Variants in ANKK1 observed in about 807,000 individuals in gnomAD.
ANKK1 encodes ankyrin repeat and kinase domain containing 1.
In ANKK1, 37 loss-of-function variants were observed where a neutral mutation model predicts 37.6. The ratio of observed to expected loss-of-function variants is 0.98; its 90% CI spans 0.76 to 1.29. ANKK1 has a LOEUF of 1.29. ANKK1 is among the 50% of genes most tolerant of loss of function. ANKK1 has a pLI of 0.00. For synonymous variants in ANKK1, 415 were observed against 418.7 expected (o/e 0.99, Z 0.11); for missense variants, 1,019 against 990.6 (o/e 1.03, Z -0.39).
chr11:113,395,317 T>C, intron 3 of ANKK1, 42 bp from the exon 4 acceptor site: 1 of 1,612,052 alleles, frequency 6.2e-7, no homozygotes, highest in South Asian at 1.1e-5. Flanking sequence ...TGATCTTGGA[T>C]GTTCAACTAA....
intron 6 of ANKK1, 79 bp from the exon 7 acceptor site, chr11:113,397,901 A>AGAGGGAAG: frequency 6.8e-6 from 10 of 1,469,804 alleles, no homozygotes; most frequent in Non-Finnish European, 8.4e-6. Flanking sequence ...AAGGTTGGAG[A>AGAGGGAAG]GAGGGAAGGA....
At chr11:113,395,205 C>T (rs917090171) in intron 3 of ANKK1, 125 bp downstream of exon 3, 2 of 1,493,248 alleles carry the variant, frequency 1.3e-6, no homozygotes, top group Non-Finnish European at 1.8e-6. Context: ...AGGCGGAGGA[C>T]TCTGGCTGGA....
chr11:113,398,754 G>T (rs1021971048), intron 7 of ANKK1, among the ~76,000 whole-genome samples: 5 of 152,118 alleles, frequency 3.3e-5, no homozygotes, highest in African/African-American at 1.2e-4. Flanking sequence ...GTGAGGAAAG[G>T]ACTGCAGGAC....
rs373849007 is a variant in ANKK1, at chr11:113,399,184, C to A, written c.1215C>A (p.Asp405Glu). Residue 405 changes from aspartate to glutamate, a missense_variant, in exon 8 of 8, where the codon GAC becomes GAA. Transcript: ENST00000303941. ...CGCCCCTCCTGATCGCCGCCCAGGACCAGCAACCCGACCTCTGTGCCCTGC... is the reference window on the plus strand; with the variant it reads ...CGCCCCTCCTGATCGCCGCCCAGGAACAGCAACCCGACCTCTGTGCCCTGC... ...GYTPLLIAAQ[D>E]QQPDLCALLL... 1 of 1,601,048 alleles carries A rather than the reference C, an allele frequency of 6.2e-7. No homozygotes were observed. The highest frequency in any genetic ancestry group is 8.5e-7 in the Non-Finnish European group (1 of 1,174,116).
intron 2 of ANKK1, 48 bp from the exon 3 acceptor site, chr11:113,394,881 G>A: frequency 1.2e-6 from 2 of 1,601,124 alleles, no homozygotes; most frequent in Non-Finnish European, 8.5e-7. Flanking sequence ...CCGTTTTCTG[G>A]TCATGAGGCT....
intron 1 of ANKK1, among the ~76,000 whole-genome samples, chr11:113,390,276 C>A (rs1310631704): frequency 6.6e-6 from 1 of 152,168 alleles, no homozygotes; most frequent in Non-Finnish European, 1.5e-5. Context: ...AATGGAGAGA[C>A]TATGAAAAGA....
At position 113,399,375 on chromosome 11, in the gene ANKK1, C is replaced by T; in HGVS notation, c.1406C>T (p.Ala469Val). Residue 469 changes from alanine (A) to valine (V), a missense_variant, in exon 8 of 8, where the codon GCA (alanine) becomes GTA (valine). By Grantham distance (64) the Ala-to-Val change is moderately conservative. Transcript: ENST00000303941. ...GGGTGGACCCCTCTTCACCTGGCTG[C>T]ACAGAATAACTTTGAGAATGTGGCA... ...REGWTPLHLA[A>V]QNNFENVARL... 1 of 1,601,112 alleles carries T rather than the reference C, an allele frequency of 6.2e-7. No individual in the cohort carries two copies. The highest frequency in any genetic ancestry group is 1.1e-5 in the South Asian group (1 of 88,348).
chr11:113,388,118 G>A (rs1431057551), intron 1 of ANKK1, 49 bp downstream of exon 1: 7 of 1,437,306 alleles, frequency 4.9e-6, no homozygotes, highest in African/African-American at 4.4e-5. Flanking sequence ...ACTGAGGCCC[G>A]GCAAGCTTTG....
intron 6 of ANKK1, 117 bp downstream of exon 6, chr11:113,397,459 C>T (rs1950648716): frequency 1.3e-6 from 1 of 792,894 alleles, no homozygotes; most frequent in Non-Finnish European, 2.0e-6. Context: ...TTGGGGCCAC[C>T]TCCATCCAGA....
chr11:113,394,693 G>T (rs1411627426), intron 2 of ANKK1: 8 of 664,550 alleles, frequency 1.2e-5, no homozygotes, highest in Non-Finnish European at 2.2e-5. Context: ...CAATAGCACT[G>T]TGAGTTAAAT....
Position 113,387,784 on chromosome 11 carries a change from C to T in ANKK1, c.-101C>T, listed in dbSNP as rs1950555512. ...CAGGGCCGGCTCGTCTCCCCATTCC[C>T]CTCTCCCGGACCCGAGGAGCAGGAA... is the stretch of plus-strand genomic sequence containing the variant. On this transcript the variant is annotated 5_prime_UTR_variant, in exon 1 of 8. Transcript: ENST00000303941. The T allele has an allele frequency of 1.5e-6, 2 of 1,342,286 alleles. No individual in the cohort carries two copies. The highest frequency in any genetic ancestry group is 1.5e-5 in the African/African-American group (1 of 66,498). 83.1% of individuals were successfully genotyped at this position (1,342,286 alleles called of 1,614,324 possible). A position where few individuals can be genotyped will look rare whatever the true frequency, so the allele number is the denominator to read the frequency against.
chr11:113,389,463 C>G (rs573967499), intron 1 of ANKK1, among the ~76,000 whole-genome samples: 1 of 152,150 alleles, frequency 6.6e-6, no homozygotes, highest in African/African-American at 2.4e-5. Context: ...CTGGGATTAA[C>G]GATGAATGCA....
At position 113,399,101 on chromosome 11, in the gene ANKK1, G is replaced by A. The variant is rs988118061; in HGVS notation, c.1132G>A (p.Val378Met). 8 of 1,594,262 alleles carry A rather than the reference G, an allele frequency of 5.0e-6. No homozygotes were observed. Among genetic ancestry groups the A allele is most frequent in the African/African-American group, 2.7e-5 (2 of 74,448 alleles). Residue 378 changes from valine (V) to methionine (M), a missense_variant, in exon 8 of 8, where the codon GTG becomes ATG. Physicochemically the swap from Val to Met is conservative, Grantham distance 21. Transcript: ENST00000303941. ...FLVAQGSVEQVRLLLAHEVDV... is the reference protein window; with the variant it reads ...FLVAQGSVEQMRLLLAHEVDV... ...GGTGGCCCAGGGCAGTGTGGAGCAG[G>A]TGAGGTTGCTGCTGGCCCACGAGGT...
chr11:113,394,991 G>T lies in ANKK1; in HGVS notation c.543G>T (p.Arg181Ser), dbSNP rs777136605. The T allele has an allele frequency of 6.2e-7, 1 of 1,613,672 alleles. No homozygotes were observed. The highest frequency in any genetic ancestry group is 2.2e-5 in the East Asian group (1 of 44,876). The stretch of plus-strand genomic sequence containing the variant: ...CCACCCGGATGCAGTACATCGAGAG[G>T]TCGGCTCTGCGGGGCATGCTCAGCT... The part of the protein sequence containing the change: ...EQSTRMQYIE[R>S]SALRGMLSYI... Residue 181 changes from arginine to serine, a missense_variant, in exon 3 of 8, where the codon AGG (arginine) becomes AGT (serine). Transcript: ENST00000303941.
rs1950626340 is a variant in ANKK1, at chr11:113,395,054, C to T, written c.606C>T (p.Ala202=). The change falls in exon 3 of 8, where the codon GCC becomes GCT. Residue 202 remains alanine (A), a synonymous_variant. Coordinates refer to ENST00000303941, the MANE Select transcript of ANKK1 (RefSeq NM_178510.2). The part of the protein sequence containing the change: ...PPEMFLESNK[A]PGPKYDVYSF... The stretch of plus-strand genomic sequence containing the variant: ...AGATGTTCCTGGAGAGTAACAAGGC[C>T]CCAGGACCTAAATATGATGTGTACA... 2 of 1,612,260 alleles carry T rather than the reference C, an allele frequency of 1.2e-6. No individual in the cohort carries two copies. Among genetic ancestry groups the T allele is most frequent in the African/African-American group, 1.3e-5 (1 of 75,014 alleles).
Position 113,399,958 on chromosome 11 carries a change from C to T in ANKK1, c.1989C>T (p.Leu663=), listed in dbSNP as rs1326343003. Residue 663 remains leucine (L), a synonymous_variant, in exon 8 of 8, where the codon CTC becomes CTT. Coordinates refer to ENST00000303941, the MANE Select transcript of ANKK1 (RefSeq NM_178510.2). ...NAAEQSGWTP[L]HLAVQRSTFL... is the part of the protein sequence containing the mutation. ...CAGAGCAGTCAGGCTGGACACCCCT[C>T]CACCTGGCGGTCCAGAGGAGCACCT... The T allele has an allele frequency of 6.2e-7, 1 of 1,613,634 alleles. No homozygotes were observed. Among genetic ancestry groups the T allele is most frequent in the Non-Finnish European group, 8.5e-7 (1 of 1,179,894 alleles).
chr11:113,395,688 CA>C (rs1012912765), intron 4 of ANKK1, among the ~76,000 whole-genome samples: 5 of 152,296 alleles, frequency 3.3e-5, no homozygotes, highest in Middle Eastern at 3.4e-3. Context: ...TGCCTTCTCA[CA>C]CCCCTGCCCC....
In ANKK1 at chr11:113,399,886, G is replaced by A. The variant is rs750469108; in HGVS notation, c.1917G>A (p.Glu639=). 9 of 1,613,250 alleles carry A rather than the reference G, an allele frequency of 5.6e-6. No homozygotes were observed. In the Admixed American group the frequency reaches 1.5e-4, roughly 27 times the overall value. The change falls in exon 8 of 8, where the codon GAG becomes GAA. Residue 639 remains glutamate, a synonymous_variant. Transcript: ENST00000303941. Reference sequence around the variant, plus strand: ...ACCTAGCTGCACGCCACGGGGAGGAGGCGGTGGTGTCAGCACTGCTGCAGT... The same window carrying A: ...ACCTAGCTGCACGCCACGGGGAGGAAGCGGTGGTGTCAGCACTGCTGCAGT... ...PLHLAARHGE[E]AVVSALLQCG...
At position 113,399,557 on chromosome 11, in the gene ANKK1, C is replaced by T; in HGVS notation, c.1588C>T (p.Pro530Ser). 2.5e-6 allele frequency: 4 copies of T among 1,602,458 alleles called. No homozygotes were observed. The highest frequency in any genetic ancestry group is 1.3e-5 in the African/African-American group (1 of 74,850). ...LDAQQRNLRT[P>S]LHLAVERGKV... The stretch of plus-strand genomic sequence containing the variant: ...TGCTCAGCAGAGAAACCTGAGAACA[C>T]CACTGCACCTGGCAGTAGAGCGGGG... The change falls in exon 8 of 8, where the codon CCA becomes TCA. Residue 530 changes from proline (P) to serine (S), a missense_variant. Coordinates refer to ENST00000303941, the MANE Select transcript of ANKK1 (RefSeq NM_178510.2).
Sources: allele counts gnomAD v4.1 joint callset (sites outside exome capture counted in the v4.1 genomes callset), GRCh38; gene constraint gnomAD v4.1.1; transcripts MANE v1.5; gene names NCBI Gene and HGNC (gene_info 2026-07-23, HGNC 2026-07-21).